The following CEP128 variants were observed in gnomAD, a reference collection of about 807,000 sequenced individuals.
The protein encoded by CEP128 is centrosomal protein 128kDa.
Under a neutral mutation model 156.7 loss-of-function variants are expected in CEP128, and 132 were observed. The observed-to-expected ratio is 0.84, with a 90% CI of 0.73 to 0.97. The LOEUF is 0.97. CEP128 is among the 50% of genes least tolerant of loss of function. The probability of loss-of-function intolerance (pLI) is 0.00; values close to 1 mark genes in which losing one functional copy is unlikely to be tolerated. For synonymous variants in CEP128, 469 were observed against 448.9 expected, an observed-to-expected ratio of 1.04 and a Z score of -0.57; for missense variants, 1,252 against 1,281.9, an observed-to-expected ratio of 0.98 and a Z score of 0.36.
chr14:80,943,617 C>T (rs1886253178), upstream of CEP128, among the ~76,000 whole-genome samples: 2 of 152,134 alleles, frequency 1.3e-5, no homozygotes, highest in African/African-American at 4.8e-5. Flanking sequence ...TCAAGAAATG[C>T]TTAAATATGT....
intron 19 of CEP128, among the ~76,000 whole-genome samples, chr14:80,647,176 C>T (rs1226408047): frequency 1.3e-5 from 2 of 148,792 alleles, no homozygotes; most frequent in Non-Finnish European, 3.0e-5. Context: ...GTATGGAATG[C>T]TTAAGAATGC....
At chr14:80,645,066 G>T (rs1478666848) in intron 19 of CEP128, among the ~76,000 whole-genome samples, 1 of 151,998 alleles carries the variant, frequency 6.6e-6, no homozygotes, top group African/African-American at 2.4e-5. Flanking sequence ...AAAACATTCT[G>T]CATCCCAGAT....
intron 23 of CEP128, among the ~76,000 whole-genome samples, chr14:80,522,369 A>G (rs765848038): frequency 1.3e-5 from 2 of 152,188 alleles, no homozygotes; most frequent in Non-Finnish European, 2.9e-5. Flanking sequence ...TATCACACAC[A>G]TGCTTACATT....
intron 8 of CEP128, among the ~76,000 whole-genome samples, chr14:80,882,698 A>G (rs186216036): frequency 6.6e-6 from 1 of 152,350 alleles, no homozygotes; most frequent in East Asian, 1.9e-4. Context: ...GGATAAAGAA[A>G]ATGTACTTAT....
chr14:80,577,050 T>C (rs1373250349), intron 20 of CEP128, among the ~76,000 whole-genome samples: 1 of 152,210 alleles, frequency 6.6e-6, no homozygotes, highest in Non-Finnish European at 1.5e-5. Flanking sequence ...GTTCTGTTGA[T>C]GATCTTTCCC....
In CEP128 at chr14:80,639,496, T is replaced by C. The variant is rs551778812; in HGVS notation, c.2807-59073A>G. On this transcript the variant is annotated intron_variant, in intron 19 of 24. Coordinates refer to ENST00000555265, the MANE Select transcript of CEP128 (RefSeq NM_152446.5). The stretch of plus-strand genomic sequence containing the variant: ...GCAATGTGTGCCTGAAGTAAACTCA[T>C]TGTCTTTACTATAATTAAAAGACAA... Among the ~76,000 whole-genome samples, 10 of 152,310 alleles carry C rather than the reference T, an allele frequency of 6.6e-5. No individual in the cohort carries two copies. In the Middle Eastern group the frequency reaches 0.017, roughly 259 times the overall value.
At chr14:80,642,736 A>G (rs1894470261) in intron 19 of CEP128, among the ~76,000 whole-genome samples, 1 of 152,128 alleles carries the variant, frequency 6.6e-6, no homozygotes, top group Admixed American at 6.6e-5. Context: ...AAAGAATTAA[A>G]AAGTTATTAG....
At chr14:80,663,795 A>G (rs1290012088) in intron 19 of CEP128, among the ~76,000 whole-genome samples, 1 of 152,216 alleles carries the variant, frequency 6.6e-6, no homozygotes, top group Non-Finnish European at 1.5e-5. Context: ...TTATAATCAC[A>G]GATGGTTCAC....
intron 14 of CEP128, among the ~76,000 whole-genome samples, chr14:80,483,712 C>T (rs1887101880): frequency 6.6e-6 from 1 of 152,140 alleles, no homozygotes; most frequent in Admixed American, 6.5e-5. Context: ...TGTATGTCAG[C>T]CACAGTACTA....
At chr14:80,683,022 C>T (rs1252256410) in intron 19 of CEP128, among the ~76,000 whole-genome samples, 4 of 152,090 alleles carry the variant, frequency 2.6e-5, no homozygotes. Flanking sequence ...CACAAACACA[C>T]TCACTTAAGT....
intron 20 of CEP128, among the ~76,000 whole-genome samples, chr14:80,575,712 T>C (rs1386787500): frequency 2.0e-5 from 3 of 152,212 alleles, no homozygotes; most frequent in Non-Finnish European, 4.4e-5. Flanking sequence ...ACATTTCTTA[T>C]GGTAGCTAAT....
At chr14:80,871,231 A>G (rs1271460171) in intron 8 of CEP128, among the ~76,000 whole-genome samples, 1 of 152,142 alleles carries the variant, frequency 6.6e-6, no homozygotes, top group Admixed American at 6.5e-5. Flanking sequence ...AATTAAACAT[A>G]ATGACAATTT....
At chr14:80,579,974 A>T (rs1164942646) in intron 20 of CEP128, among the ~76,000 whole-genome samples, 1 of 152,254 alleles carries the variant, frequency 6.6e-6, no homozygotes, top group Non-Finnish European at 1.5e-5. Flanking sequence ...TTATGTGTTA[A>T]TTGGTTGGTC....
chr14:80,933,343 C>T lies in CEP128; in HGVS notation c.-16+6042G>A, dbSNP rs138924651. Among the ~76,000 whole-genome samples, 603 of 152,300 alleles carry T rather than the reference C, an allele frequency of 4.0e-3. 4 individuals carry two copies. Among genetic ancestry groups the T allele is most frequent in the African/African-American group, 0.013 (555 of 41,556 alleles). Reference sequence around the variant, plus strand: ...GCCACACCTCCAACAAGGTAGGAATCCCAGCCTTGCAGAGAGCCCCCTCTA... The same window carrying T: ...GCCACACCTCCAACAAGGTAGGAATTCCAGCCTTGCAGAGAGCCCCCTCTA... On this transcript the variant is annotated intron_variant, in intron 2 of 24. Coordinates refer to ENST00000555265, the MANE Select transcript of CEP128 (RefSeq NM_152446.5).
At chr14:80,593,281 T>C (rs1048445402) in intron 19 of CEP128, among the ~76,000 whole-genome samples, 1 of 152,016 alleles carries the variant, frequency 6.6e-6, no homozygotes, top group African/African-American at 2.4e-5. Context: ...GTGAGGTGGC[T>C]CACACCTGTA....
rs541091148 is a variant in CEP128 at position 80,599,325 on chromosome 14, T to C, written c.2807-18902A>G. The stretch of plus-strand genomic sequence containing the variant: ...TCTCGCTCTGTCACCCAGGCTGGAG[T>C]GCAGCGGCTTGATCTCGGCTCACCG... On this transcript the variant is annotated intron_variant, in intron 19 of 24. Transcript: ENST00000555265. Among the ~76,000 whole-genome samples, 12 of 140,086 alleles carry C rather than the reference T, an allele frequency of 8.6e-5. 1 individual carries two copies. The South Asian group carries it at 2.5e-3, about 29-fold the overall frequency. 91.9% of individuals were successfully genotyped at this position (140,086 alleles called of 152,430 possible). A position where few individuals can be genotyped will look rare whatever the true frequency, so the allele number is the denominator to read the frequency against.
At chr14:80,646,535 T>C (rs1894639718) in intron 19 of CEP128, among the ~76,000 whole-genome samples, 1 of 137,896 alleles carries the variant, frequency 7.3e-6, no homozygotes, top group African/African-American at 3.6e-5. Context: ...ATATCTTTAA[T>C]GAATAGTATG....
Position 80,626,380 on chromosome 14 carries a change from C to T in CEP128, c.2807-45957G>A, listed in dbSNP as rs950594262. ...TCGGGAGGCTGAGGCAGGAGAATGG[C>T]GTGAACCCGGGAAGCGGAGCTTGCA... On this transcript the variant is annotated intron_variant, in intron 19 of 24. Coordinates refer to ENST00000555265, the MANE Select transcript of CEP128 (RefSeq NM_152446.5). 7.5e-5 allele frequency among the ~76,000 whole-genome samples: 11 copies of T among 146,446 alleles called. No individual in the cohort carries two copies. The Admixed American group carries it at 7.7e-4, about 10-fold the overall frequency.
chr14:80,932,888 A>G (rs1167398430), intron 2 of CEP128, among the ~76,000 whole-genome samples: 2 of 151,654 alleles, frequency 1.3e-5, no homozygotes, highest in Non-Finnish European at 2.9e-5. Context: ...TATTGAAACC[A>G]AATAATAATA....
Sources: gnomAD v4.1 joint callset for allele counts (sites outside exome capture counted in the v4.1 genomes callset) on GRCh38, gnomAD v4.1.1 for gene constraint, MANE v1.5 for transcripts, NCBI Gene and HGNC (gene_info 2026-07-23, HGNC 2026-07-21) for gene names.